Variants in AFF3 observed in about 807,000 individuals in gnomAD.
AFF3 encodes the protein AF4/FMR2 family member 3.
In AFF3, 32 loss-of-function variants were observed where a neutral mutation model predicts 129.7. The observed-to-expected ratio is 0.25, with a 90% confidence interval of 0.19 to 0.33. The LOEUF (loss-of-function observed/expected upper bound fraction) is 0.33. Ranked by LOEUF, AFF3 falls within the 10% of genes least tolerant of loss-of-function variation. AFF3 has a pLI of 1.00. For missense variants in AFF3, 1,373 were observed against 1,592.0 expected (o/e 0.86, Z 2.34); for synonymous variants, 644 against 635.4 (o/e 1.01, Z -0.20).
In AFF3 at chr2:99,550,516, T is replaced by C. The variant is rs1488482324; in HGVS notation, c.*958A>G. The C allele has an allele frequency of 4.3e-6, 1 of 231,378 alleles. No homozygotes were observed. 14.3% of individuals were successfully genotyped at this position (231,378 alleles called of 1,614,324 possible). A position where few individuals can be genotyped will look rare whatever the true frequency, so the allele number is the denominator to read the frequency against. On this transcript the variant is annotated 3_prime_UTR_variant, in exon 25 of 25. Coordinates refer to ENST00000672756, the MANE Select transcript of AFF3 (RefSeq NM_001386135.1). ...GCCAAGAAAATCTGTAAGAAAGCTA[T>C]TGGTGGAAAGAAAAGACTTGAAACA...
intron 4 of AFF3, among the ~76,000 whole-genome samples, chr2:100,049,697 T>A (rs1573254366): frequency 6.6e-6 from 1 of 152,176 alleles, no homozygotes; most frequent in Non-Finnish European, 1.5e-5. Flanking sequence ...TGAATGTGGG[T>A]GATGAGTATT....
At chr2:99,829,085 A>G (rs1688325629) in intron 8 of AFF3, among the ~76,000 whole-genome samples, 1 of 152,178 alleles carries the variant, frequency 6.6e-6, no homozygotes, top group Non-Finnish European at 1.5e-5. Flanking sequence ...CCTACAGCAC[A>G]TTTCTGATCA....
Position 99,549,608 on chromosome 2 carries a change from G to A in AFF3, c.*1866C>T, listed in dbSNP as rs1157733792. The A allele has an allele frequency of 9.9e-6, 2 of 201,020 alleles. No homozygotes were observed. Among genetic ancestry groups the A allele is most frequent in the African/African-American group, 4.6e-5 (2 of 43,552 alleles). The allele number at this position is 201,020 out of a possible 1,614,324, so 12.5% of individuals were successfully genotyped here. On this transcript the variant is annotated 3_prime_UTR_variant, in exon 25 of 25. Coordinates refer to ENST00000672756, the MANE Select transcript of AFF3 (RefSeq NM_001386135.1). Reference sequence around the variant, plus strand: ...CAAAAAAAAAGTGAAAGGGTTGTAAGAAGCACCCCAGTTGGAGACATGTAA... The same window carrying A: ...CAAAAAAAAAGTGAAAGGGTTGTAAAAAGCACCCCAGTTGGAGACATGTAA...
chr2:99,979,086 A>T (rs144536383), intron 7 of AFF3, among the ~76,000 whole-genome samples: 217 of 152,260 alleles, frequency 1.4e-3, no homozygotes, highest in African/African-American at 4.9e-3. Context: ...GAAGTATATA[A>T]ATAGGGCATA....
At chr2:99,623,270 C>A (rs1425662230) in intron 13 of AFF3, among the ~76,000 whole-genome samples, 1 of 151,668 alleles carries the variant, frequency 6.6e-6, no homozygotes, top group Non-Finnish European at 1.5e-5. Context: ...GTGCAAAATG[C>A]AAATGAGAGC....
At chr2:99,773,476 G>A (rs1375325709) in intron 8 of AFF3, among the ~76,000 whole-genome samples, 3 of 146,888 alleles carry the variant, frequency 2.0e-5, no homozygotes, top group Non-Finnish European at 3.0e-5. Flanking sequence ...GTGCTCAAAC[G>A]TTTTGGGAAT....
chr2:99,818,171 G>C (rs1277097778), intron 8 of AFF3, among the ~76,000 whole-genome samples: 1 of 152,110 alleles, frequency 6.6e-6, no homozygotes, highest in Non-Finnish European at 1.5e-5. Flanking sequence ...ATGCTCAAAG[G>C]AAATGTTTAT....
At chr2:100,042,986 G>T (rs1452559922) in intron 4 of AFF3, among the ~76,000 whole-genome samples, 1 of 151,712 alleles carries the variant, frequency 6.6e-6, no homozygotes, top group Non-Finnish European at 1.5e-5. Flanking sequence ...TTAAATAGTA[G>T]AAAAATCATC....
chr2:99,612,300 G>A (rs916574979), intron 13 of AFF3, among the ~76,000 whole-genome samples: 6 of 152,172 alleles, frequency 3.9e-5, no homozygotes, highest in East Asian at 1.9e-4. Flanking sequence ...AAAAGCTGAC[G>A]AATGAAACAA....
At chr2:99,742,178 A>G (rs1196689419) in intron 10 of AFF3, among the ~76,000 whole-genome samples, 2 of 152,064 alleles carry the variant, frequency 1.3e-5, no homozygotes, top group Non-Finnish European at 2.9e-5. Flanking sequence ...CAACATAGTG[A>G]AATGCTGTCT....
intron 13 of AFF3, among the ~76,000 whole-genome samples, chr2:99,603,810 G>A (rs1558633588): frequency 6.6e-6 from 1 of 152,012 alleles, no homozygotes; most frequent in East Asian, 1.9e-4. Flanking sequence ...TTAAAAAGTG[G>A]GAAAAGGACA....
At chr2:99,834,383 A>G (rs1313182159) in intron 8 of AFF3, among the ~76,000 whole-genome samples, 1 of 152,168 alleles carries the variant, frequency 6.6e-6, no homozygotes, top group Non-Finnish European at 1.5e-5. Context: ...GGGTTAAATC[A>G]CAGCTTAGAA....
intron 13 of AFF3, among the ~76,000 whole-genome samples, chr2:99,614,837 T>C (rs1681259976): frequency 2.0e-5 from 3 of 152,212 alleles, no homozygotes. Context: ...AAAAAAGCTA[T>C]TGCTTGGAGC....
At chr2:99,610,296 T>C (rs1163786216) in intron 13 of AFF3, among the ~76,000 whole-genome samples, 2 of 152,206 alleles carry the variant, frequency 1.3e-5, no homozygotes, top group Non-Finnish European at 2.9e-5. Context: ...CCCTCTACCA[T>C]TCCTAATCTC....
intron 1 of AFF3, among the ~76,000 whole-genome samples, chr2:100,134,564 A>G (rs1209081380): frequency 6.6e-6 from 1 of 152,208 alleles, no homozygotes; most frequent in African/African-American, 2.4e-5. Flanking sequence ...CTTACAAAAA[A>G]CTATCATCCC....
chr2:99,969,351 C>G (rs1678110217), intron 7 of AFF3, among the ~76,000 whole-genome samples: 1 of 152,196 alleles, frequency 6.6e-6, no homozygotes, highest in Non-Finnish European at 1.5e-5. Flanking sequence ...CAACTCCTCT[C>G]ACATATGGGA....
intron 7 of AFF3, among the ~76,000 whole-genome samples, chr2:99,964,628 T>C (rs1051173506): frequency 1.3e-5 from 2 of 152,188 alleles, no homozygotes; most frequent in Non-Finnish European, 2.9e-5. Context: ...GCGGGGAATT[T>C]ACAGTACTAA....
chr2:99,606,830 T>C (rs574992420), intron 13 of AFF3, among the ~76,000 whole-genome samples: 4 of 143,298 alleles, frequency 2.8e-5, no homozygotes, highest in Admixed American at 1.5e-4. Context: ...AGGAGAATGG[T>C]GTGAACCCGG....
chr2:100,013,693 G>C (rs1235844600), intron 4 of AFF3, among the ~76,000 whole-genome samples: 1 of 152,122 alleles, frequency 6.6e-6, no homozygotes, highest in Non-Finnish European at 1.5e-5. Flanking sequence ...TTCCCAGTCA[G>C]ACAGAGAGAA....
Sources: allele counts gnomAD v4.1 joint callset (sites outside exome capture counted in the v4.1 genomes callset), GRCh38; gene constraint gnomAD v4.1.1; transcripts MANE v1.5; gene names NCBI Gene and HGNC (gene_info 2026-07-23, HGNC 2026-07-21).